Variants in NIBAN2 observed in about 807,000 individuals in gnomAD.
The protein encoded by NIBAN2 is protein Niban 2.
Under a neutral mutation model 81.8 loss-of-function variants are expected in NIBAN2, and 36 were observed. That is an observed-to-expected ratio of 0.44 (90% CI 0.34 to 0.58). The LOEUF is 0.58. NIBAN2 is among the 20% of genes least tolerant of loss of function. NIBAN2 has a pLI of 0.02. For synonymous variants in NIBAN2, 445 were observed against 441.6 expected (o/e 1.01, Z -0.10); for missense variants, 897 against 1,014.1 (o/e 0.88, Z 1.57).
intron 1 of NIBAN2, among the ~76,000 whole-genome samples, chr9:127,533,621 G>A (rs1837224380): frequency 6.6e-6 from 1 of 152,304 alleles, no homozygotes; most frequent in East Asian, 1.9e-4. Context: ...GCGACAGAGC[G>A]AGACCCTGTC....
intron 1 of NIBAN2, among the ~76,000 whole-genome samples, chr9:127,576,671 G>C (rs1341380140): frequency 1.3e-5 from 2 of 152,018 alleles, no homozygotes; most frequent in African/African-American, 2.4e-5. Flanking sequence ...CCAACACTTT[G>C]GGAGGCTGAG....
At chr9:127,509,821 TCTCCTTCC>T (rs536178939) in intron 9 of NIBAN2, 2 of 78,584 alleles carry the variant, frequency 2.5e-5, no homozygotes, top group South Asian at 8.1e-4. Context: ...CCTTCCCTCC[TCTCCTTCC>T]CTCCTTCCCT....
chr9:127,568,764 G>A, intron 1 of NIBAN2, 56 bp downstream of exon 1: 1 of 1,230,828 alleles, frequency 8.1e-7, no homozygotes, highest in Non-Finnish European at 1.0e-6. Context: ...GGGCGGGGGC[G>A]TGGTCCGGGG....
intron 1 of NIBAN2, among the ~76,000 whole-genome samples, chr9:127,538,643 A>G (rs1264296293): frequency 1.1e-4 from 16 of 151,704 alleles, no homozygotes; most frequent in Admixed American, 4.6e-4. Flanking sequence ...AAAAAAAAAA[A>G]AAAAGAAATG....
intron 1 of NIBAN2, among the ~76,000 whole-genome samples, chr9:127,541,849 C>T (rs1462150664): frequency 6.6e-6 from 1 of 152,142 alleles, no homozygotes; most frequent in Admixed American, 6.5e-5. Flanking sequence ...TGGGACCCCC[C>T]TTCTGGGCCT....
chr9:127,542,944 C>T (rs1447895558), intron 1 of NIBAN2, among the ~76,000 whole-genome samples: 3 of 152,158 alleles, frequency 2.0e-5, no homozygotes, highest in Non-Finnish European at 4.4e-5. Flanking sequence ...AGGCTGGCCT[C>T]GAACTCCTGA....
intron 1 of NIBAN2, among the ~76,000 whole-genome samples, chr9:127,553,600 G>C (rs78209450): frequency 0.035 from 5,382 of 152,308 alleles, 337 homozygotes; most frequent in African/African-American, 0.12. Flanking sequence ...CAGGCGGAAG[G>C]GAAGCCCTAA....
Position 127,507,532 on chromosome 9 carries a change from G to A in NIBAN2, c.1655-101C>T, listed in dbSNP as rs2132148247. 9.1e-7 allele frequency: 1 copy of A among 1,095,852 alleles called. No individual in the cohort carries two copies. The highest frequency in any genetic ancestry group is 1.7e-5 in the South Asian group (1 of 57,278). The allele number at this position is 1,095,852 out of a possible 1,614,324, so 67.9% of individuals were successfully genotyped here. A position where few individuals can be genotyped will look rare whatever the true frequency, so the allele number is the denominator to read the frequency against. ...AAGACCCGTCTCATCCCGCCTTGGG[G>A]GTCTGTGGTTGGGATGTGACTCATT... is the stretch of plus-strand genomic sequence containing the variant. On this transcript the variant is annotated intron_variant, in intron 13 of 13. Transcript: ENST00000373312. The surrounding 1 kb of genome is among the most constrained non-coding windows in gnomAD (Gnocchi z 6.8).
intron 5 of NIBAN2, among the ~76,000 whole-genome samples, chr9:127,521,475 C>G (rs978144789): frequency 6.6e-6 from 1 of 152,210 alleles, no homozygotes; most frequent in African/African-American, 2.4e-5. Flanking sequence ...CTGCCACCCC[C>G]AGCTGCTCCA....
At chr9:127,573,608 A>C (rs1837974094), upstream of NIBAN2, among the ~76,000 whole-genome samples, 1 of 152,134 alleles carries the variant, frequency 6.6e-6, no homozygotes, top group South Asian at 2.1e-4. Flanking sequence ...TTTTGAGTAA[A>C]TGGAAACATC....
intron 1 of NIBAN2, among the ~76,000 whole-genome samples, chr9:127,564,805 G>A (rs11999825): frequency 0.029 from 4,327 of 151,730 alleles, 220 homozygotes; most frequent in African/African-American, 0.095. Context: ...CCTGGGAGGC[G>A]GAGGTTGTAG....
intron 1 of NIBAN2, among the ~76,000 whole-genome samples, chr9:127,546,112 A>G (rs1837467188): frequency 6.6e-6 from 1 of 152,206 alleles, no homozygotes; most frequent in Non-Finnish European, 1.5e-5. Flanking sequence ...ACGCCCAAGG[A>G]GGAGGCTGAT....
chr9:127,542,967 C>T (rs1231533090), intron 1 of NIBAN2, among the ~76,000 whole-genome samples: 3 of 152,192 alleles, frequency 2.0e-5, no homozygotes, highest in Non-Finnish European at 4.4e-5. Context: ...TCAGGTGATC[C>T]ACCCGCCTCA....
intron 1 of NIBAN2, among the ~76,000 whole-genome samples, chr9:127,539,619 G>C (rs1330180621): frequency 1.3e-5 from 2 of 152,200 alleles, no homozygotes; most frequent in Non-Finnish European, 2.9e-5. Flanking sequence ...GTGGGTCCCT[G>C]TCAGCTCAGC....
chr9:127,554,661 A>T (rs1202175157), intron 1 of NIBAN2, among the ~76,000 whole-genome samples: 1 of 148,618 alleles, frequency 6.7e-6, no homozygotes, highest in Non-Finnish European at 1.5e-5. Context: ...CCCAAGTTAA[A>T]GCAATCCTCC....
chr9:127,546,951 CAA>C (rs11444574), intron 1 of NIBAN2, among the ~76,000 whole-genome samples: 1 of 150,730 alleles, frequency 6.6e-6, no homozygotes, highest in Non-Finnish European at 1.5e-5. Context: ...AGCTGAGACA[CAA>C]AGAGTCCCTG....
chr9:127,511,507 TA>T (rs33964200), intron 8 of NIBAN2, among the ~76,000 whole-genome samples: 12 of 145,950 alleles, frequency 8.2e-5, no homozygotes, highest in East Asian at 6.3e-4. Flanking sequence ...CAATATTATT[TA>T]AAAAAAAAAA....
At chr9:127,516,479 G>A (rs945885591) in intron 8 of NIBAN2, among the ~76,000 whole-genome samples, 1 of 152,228 alleles carries the variant, frequency 6.6e-6, no homozygotes, top group Non-Finnish European at 1.5e-5. Flanking sequence ...AATCCGGGAG[G>A]CGGAGGTTGT....
At chr9:127,509,227 T>C (rs1836681033) in intron 9 of NIBAN2, 96 bp from the exon 10 acceptor site, 3 of 1,266,164 alleles carry the variant, frequency 2.4e-6, no homozygotes, top group South Asian at 1.5e-5. Context: ...GTCCAGGCCC[T>C]GGGGCTGGCG....
Sources: allele counts gnomAD v4.1 joint callset (sites outside exome capture counted in the v4.1 genomes callset), GRCh38; gene constraint gnomAD v4.1.1; non-coding constraint Gnocchi (gnomAD v3.1); transcripts MANE v1.5; gene names NCBI Gene and HGNC (gene_info 2026-07-23, HGNC 2026-07-21).